GUCY1A2: variants seen among roughly 807,000 people sequenced by gnomAD.
GUCY1A2 encodes the protein guanylate cyclase soluble subunit alpha-2.
Under a neutral mutation model 63.5 loss-of-function variants are expected in GUCY1A2, and 27 were observed. The observed-to-expected ratio is 0.43, with a 90% CI of 0.31 to 0.59. GUCY1A2 has a LOEUF of 0.59. Among genes scored for constraint, GUCY1A2 ranks in the 20% least tolerant of loss-of-function variants. GUCY1A2 has a pLI of 0.11. For synonymous variants in GUCY1A2, 364 were observed against 343.5 expected (o/e 1.06, Z -0.66); for missense variants, 768 against 913.3 (o/e 0.84, Z 2.05).
chr11:106,939,088 G>C (rs572500940), intron 4 of GUCY1A2, among the ~76,000 whole-genome samples: 1 of 152,152 alleles, frequency 6.6e-6, no homozygotes, highest in Non-Finnish European at 1.5e-5. Context: ...TGTATTTAAA[G>C]ATATTGCAGT....
At position 106,939,815 on chromosome 11, in the gene GUCY1A2, C is replaced by T. The variant is rs1299411930; in HGVS notation, c.851G>A (p.Gly284Asp). The change falls in exon 4 of 8, where the codon GGC becomes GAC. Residue 284 changes from glycine to aspartate, a missense_variant. Around this residue, in one of 3 missense-constraint regions of GUCY1A2, gnomAD observed 496 missense variants for 486.9 expected, o/e 1.02. Transcript: ENST00000526355. ...EKLCSDVSNP[G>D]NCSCLTFLIK... ...AAGGAAAGTAAGACAGCTACAATTG[C>T]CTGGGTTTGAAACATCAGAGCATAG... 4.3e-6 allele frequency: 7 copies of T among 1,613,520 alleles called. No homozygotes were observed. Among genetic ancestry groups the T allele is most frequent in the Non-Finnish European group, 5.9e-6 (7 of 1,179,588 alleles).
At position 106,687,019 on chromosome 11, in the gene GUCY1A2, A is replaced by T. The variant is rs1428554912; in HGVS notation, c.*530T>A. On this transcript the variant is annotated 3_prime_UTR_variant, in exon 8 of 8. Transcript: ENST00000526355. ...AGTTATCTAGAAGAGATATGTATAA[A>T]AATAGGTAATATCCCTAAAATATTT... 1 of 212,866 alleles carries T rather than the reference A, an allele frequency of 4.7e-6. No individual in the cohort carries two copies. The highest frequency in any genetic ancestry group is 2.3e-5 in the African/African-American group (1 of 44,192). The allele number at this position is 212,866 out of a possible 1,614,324, so 13.2% of individuals were successfully genotyped here.
intron 7 of GUCY1A2, among the ~76,000 whole-genome samples, chr11:106,691,145 C>CT (rs1173626089): frequency 4.6e-5 from 7 of 151,910 alleles, no homozygotes; most frequent in East Asian, 3.9e-4. Flanking sequence ...ATCAATCAAA[C>CT]TTTTTTTTAG....
In GUCY1A2 at chr11:106,676,860, T is replaced by C. The variant is rs1240670163; in HGVS notation, c.*10689A>G. 5.0e-6 allele frequency: 1 copy of C among 201,438 alleles called. No homozygotes were observed. Among genetic ancestry groups the C allele is most frequent in the Non-Finnish European group, 1.0e-5 (1 of 97,948 alleles). 12.5% of individuals were successfully genotyped at this position (201,438 alleles called of 1,614,324 possible). Reference sequence around the variant, plus strand: ...TAAGACATTTGTAAGGGGGTAAAAATAGGAGATTGTCCAAACAGATTGACC... The same window carrying C: ...TAAGACATTTGTAAGGGGGTAAAAACAGGAGATTGTCCAAACAGATTGACC... On this transcript the variant is annotated 3_prime_UTR_variant, in exon 8 of 8. Coordinates refer to ENST00000526355, the MANE Select transcript of GUCY1A2 (RefSeq NM_000855.3).
chr11:106,824,119 T>A lies in GUCY1A2; in HGVS notation c.1207-13641A>T, dbSNP rs994611506. ...TTGAAAATAGGACCTAAAGCTAATC[T>A]TCTGAACAATGAGGCACATGCTATT... On this transcript the variant is annotated intron_variant, in intron 4 of 7. Transcript: ENST00000526355. 1.5e-5 allele frequency: 22 copies of A among 1,512,322 alleles called. No individual in the cohort carries two copies. In the African/African-American group the frequency reaches 2.8e-4, roughly 19 times the overall value. 93.7% of individuals were successfully genotyped at this position (1,512,322 alleles called of 1,614,324 possible).
intron 4 of GUCY1A2, among the ~76,000 whole-genome samples, chr11:106,937,539 C>T (rs1860696131): frequency 6.6e-6 from 1 of 152,120 alleles, no homozygotes; most frequent in African/African-American, 2.4e-5. Context: ...GCCAAAAATG[C>T]TTCAAATTCT....
chr11:106,742,348 A>G (rs1863709654), intron 6 of GUCY1A2, among the ~76,000 whole-genome samples: 3 of 151,964 alleles, frequency 2.0e-5, no homozygotes, highest in Admixed American at 6.6e-5. Flanking sequence ...TCCACTCACT[A>G]CCCACTGAAG....
chr11:106,863,444 G>A (rs1480752424), intron 4 of GUCY1A2, among the ~76,000 whole-genome samples: 1 of 152,118 alleles, frequency 6.6e-6, no homozygotes, highest in Non-Finnish European at 1.5e-5. Flanking sequence ...AGATCAGATG[G>A]TTGTAGATGT....
chr11:106,771,591 A>T (rs376028088), intron 6 of GUCY1A2, among the ~76,000 whole-genome samples: 168 of 152,012 alleles, frequency 1.1e-3, no homozygotes, highest in African/African-American at 3.9e-3. Flanking sequence ...TCTACTAAAA[A>T]GTTTTTTTTA....
intron 6 of GUCY1A2, among the ~76,000 whole-genome samples, chr11:106,709,277 A>C (rs1862988402): frequency 1.7e-5 from 1 of 58,888 alleles, no homozygotes; most frequent in Non-Finnish European, 2.7e-5. Flanking sequence ...ATTTATATAT[A>C]TAAATTTATA....
rs1041392878 is a variant in GUCY1A2 at position 106,681,803 on chromosome 11, A to G, written c.*5746T>C. 9.1e-6 allele frequency: 2 copies of G among 218,616 alleles called. No individual in the cohort carries two copies. The highest frequency in any genetic ancestry group is 1.8e-5 in the Non-Finnish European group (2 of 108,940). The allele number at this position is 218,616 out of a possible 1,614,324, so 13.5% of individuals were successfully genotyped here. On this transcript the variant is annotated 3_prime_UTR_variant, in exon 8 of 8. Transcript: ENST00000526355. The stretch of plus-strand genomic sequence containing the variant: ...ATATGGCATCATCACCATGGCTTAA[A>G]TTATTGCTTGAAAGGTTGTTACACG...
chr11:106,791,928 T>C (rs1006321476), intron 5 of GUCY1A2, among the ~76,000 whole-genome samples: 2 of 151,960 alleles, frequency 1.3e-5, no homozygotes, highest in African/African-American at 2.4e-5. Flanking sequence ...GAGGAGGGAC[T>C]CCTCCCTAAC....
At chr11:106,777,099 G>A (rs552298022) in intron 5 of GUCY1A2, among the ~76,000 whole-genome samples, 8 of 152,166 alleles carry the variant, frequency 5.3e-5, no homozygotes, top group African/African-American at 1.9e-4. Flanking sequence ...CCATACCATT[G>A]CGTCAACCAC....
chr11:106,841,581 A>T (rs934409645), intron 4 of GUCY1A2, among the ~76,000 whole-genome samples: 32 of 151,960 alleles, frequency 2.1e-4, no homozygotes, highest in African/African-American at 7.7e-4. Context: ...AACCAAGATC[A>T]TAGTTCTCTG....
rs1862495483 is a variant in GUCY1A2 at position 106,684,834 on chromosome 11, T to C, written c.*2715A>G. ...CTGTTGGTAATAGTTTGTAAGTAAG[T>C]GAGAATACTGTATAGATAAAAGTCA... On this transcript the variant is annotated 3_prime_UTR_variant, in exon 8 of 8. Transcript: ENST00000526355. 4.8e-6 allele frequency: 1 copy of C among 208,708 alleles called. No individual in the cohort carries two copies. The highest frequency in any genetic ancestry group is 9.8e-6 in the Non-Finnish European group (1 of 102,506). The allele number at this position is 208,708 out of a possible 1,614,324, so 12.9% of individuals were successfully genotyped here.
chr11:106,964,065 A>G (rs1487852544), intron 3 of GUCY1A2, among the ~76,000 whole-genome samples: 1 of 151,938 alleles, frequency 6.6e-6, no homozygotes, highest in African/African-American at 2.4e-5. Flanking sequence ...ATACACACAC[A>G]CACACCCACA....
chr11:106,789,504 A>G (rs1407190442), intron 5 of GUCY1A2, among the ~76,000 whole-genome samples: 1 of 152,042 alleles, frequency 6.6e-6, no homozygotes, highest in Non-Finnish European at 1.5e-5. Flanking sequence ...TATTTCGTTC[A>G]TTTGGTGAAG....
chr11:106,833,336 C>T (rs1859075643), intron 4 of GUCY1A2, among the ~76,000 whole-genome samples: 1 of 151,954 alleles, frequency 6.6e-6, no homozygotes, highest in Admixed American at 6.6e-5. Flanking sequence ...CACAGTTAAC[C>T]CATAACACTC....
chr11:106,825,398 G>GAATT (rs1858955263), intron 4 of GUCY1A2, among the ~76,000 whole-genome samples: 1 of 150,946 alleles, frequency 6.6e-6, no homozygotes, highest in Non-Finnish European at 1.5e-5. Context: ...ATTGGAAGAA[G>GAATT]AATTGTCTTG....
Sources: gnomAD v4.1 joint callset for allele counts (sites outside exome capture counted in the v4.1 genomes callset) on GRCh38, gnomAD v4.1.1 for gene constraint, gnomAD v4.1.1 regional missense constraint, MANE v1.5 for transcripts, NCBI Gene and HGNC (gene_info 2026-07-23, HGNC 2026-07-21) for gene names.